Variants in RSPO2 observed in about 807,000 individuals in gnomAD.
RSPO2 encodes R-spondin 2, also known as R-spondin-2.
Under a neutral mutation model 30.9 loss-of-function variants are expected in RSPO2, and 14 were observed. The ratio of observed to expected loss-of-function variants is 0.45; its 90% CI spans 0.30 to 0.71. The LOEUF (loss-of-function observed/expected upper bound fraction) is 0.71, where lower values mean the gene tolerates loss of function less well. Among genes scored for constraint, RSPO2 ranks in the 30% least tolerant of loss-of-function variants. The pLI is 0.08. For synonymous variants in RSPO2, 107 were observed against 96.4 expected (o/e 1.11, Z -0.64); for missense variants, 264 against 301.9 (o/e 0.87, Z 0.93).
chr8:107,901,344 C>G (rs1345861032), intron 5 of RSPO2, among the ~76,000 whole-genome samples, 154 bp from the exon 6 acceptor site: 1 of 151,360 alleles, frequency 6.6e-6, no homozygotes, highest in Admixed American at 6.6e-5. Context: ...TTAATTTTGA[C>G]AGAATAATAA....
At chr8:107,971,160 G>A (rs904011178) in intron 3 of RSPO2, among the ~76,000 whole-genome samples, 7 of 152,150 alleles carry the variant, frequency 4.6e-5, no homozygotes, top group Non-Finnish European at 8.8e-5. Context: ...TATAATAATA[G>A]AACGATGTTG....
intron 2 of RSPO2, among the ~76,000 whole-genome samples, chr8:108,019,314 A>T (rs1483175476): frequency 6.6e-6 from 1 of 152,060 alleles, no homozygotes; most frequent in African/African-American, 2.4e-5. Flanking sequence ...AGATTACACC[A>T]CTGTACTCCA....
At chr8:108,031,602 G>GTA (rs1811424782) in intron 2 of RSPO2, among the ~76,000 whole-genome samples, 12 of 152,278 alleles carry the variant, frequency 7.9e-5, no homozygotes, top group Middle Eastern at 6.8e-3. Flanking sequence ...GTAAAAGGCC[G>GTA]TAACTTCATA....
At chr8:107,920,684 C>G (rs540661794) in intron 5 of RSPO2, among the ~76,000 whole-genome samples, 1 of 152,196 alleles carries the variant, frequency 6.6e-6, no homozygotes. Context: ...GCCAGAAAGA[C>G]TTTATTTTAG....
chr8:108,074,994 T>C (rs1481024030), intron 2 of RSPO2, among the ~76,000 whole-genome samples: 1 of 152,128 alleles, frequency 6.6e-6, no homozygotes, highest in African/African-American at 2.4e-5. Flanking sequence ...TAGCTACATT[T>C]ATTATACTAA....
intron 5 of RSPO2, among the ~76,000 whole-genome samples, chr8:107,928,014 C>T (rs1812439986): frequency 6.6e-6 from 1 of 152,096 alleles, no homozygotes; most frequent in South Asian, 2.1e-4. Context: ...AAAAAAATCA[C>T]TGTGCAGGTA....
chr8:108,007,340 T>TCAC (rs1815484573), intron 2 of RSPO2, among the ~76,000 whole-genome samples: 1 of 152,030 alleles, frequency 6.6e-6, no homozygotes, highest in South Asian at 2.1e-4. Flanking sequence ...ACAGAGATCA[T>TCAC]CACCATCCAA....
At chr8:107,937,028 T>A (rs1812741363) in intron 5 of RSPO2, among the ~76,000 whole-genome samples, 4 of 152,170 alleles carry the variant, frequency 2.6e-5, no homozygotes, top group Admixed American at 2.6e-4. Context: ...TATAGTTGTC[T>A]GTACTTTCAA....
At chr8:108,000,863 G>A (rs1182876619) in intron 2 of RSPO2, among the ~76,000 whole-genome samples, 3 of 152,026 alleles carry the variant, frequency 2.0e-5, no homozygotes, top group African/African-American at 4.8e-5. Flanking sequence ...TTAACCAGGT[G>A]TGGTGGTGGG....
intron 2 of RSPO2, among the ~76,000 whole-genome samples, chr8:107,992,008 A>G (rs1441263823): frequency 6.6e-6 from 1 of 152,218 alleles, no homozygotes; most frequent in African/African-American, 2.4e-5. Flanking sequence ...TGGAAAAACC[A>G]TTCAACCCAG....
intron 5 of RSPO2, among the ~76,000 whole-genome samples, chr8:107,917,943 T>C (rs911992694): frequency 1.2e-4 from 19 of 152,280 alleles, no homozygotes; most frequent in Admixed American, 1.0e-3. Flanking sequence ...TGGTTTAGAA[T>C]CAGCTATAGG....
At chr8:107,954,431 C>T (rs1813348762) in intron 5 of RSPO2, among the ~76,000 whole-genome samples, 4 of 152,092 alleles carry the variant, frequency 2.6e-5, no homozygotes, top group African/African-American at 7.2e-5. Flanking sequence ...TTGGTCCCAA[C>T]ATGATTTTCT....
intron 5 of RSPO2, among the ~76,000 whole-genome samples, chr8:107,946,144 C>T (rs1005760674): frequency 2.6e-5 from 4 of 152,206 alleles, no homozygotes; most frequent in Non-Finnish European, 5.9e-5. Context: ...TGATCCTTCA[C>T]TCTGTGCTAG....
At chr8:108,018,529 T>G (rs1810964055) in intron 2 of RSPO2, among the ~76,000 whole-genome samples, 1 of 152,220 alleles carries the variant, frequency 6.6e-6, no homozygotes, top group Non-Finnish European at 1.5e-5. Flanking sequence ...GTTTAAGCTA[T>G]TCCAGCATTG....
chr8:107,983,592 A>T, intron 3 of RSPO2: 1 of 1,597,856 alleles, frequency 6.3e-7, no homozygotes, highest in East Asian at 2.2e-5. Flanking sequence ...TTGGAAGTAA[A>T]GCCCCAAAAG....
intron 2 of RSPO2, among the ~76,000 whole-genome samples, chr8:108,060,984 TGA>T (rs1812440737): frequency 2.0e-5 from 3 of 151,782 alleles, no homozygotes; most frequent in African/African-American, 7.3e-5. Context: ...AAGCAAATGC[TGA>T]GAGATTCTGT....
chr8:108,016,990 A>C (rs1387238758), intron 2 of RSPO2, among the ~76,000 whole-genome samples: 2 of 151,582 alleles, frequency 1.3e-5, no homozygotes, highest in Non-Finnish European at 2.9e-5. Context: ...TAAATTACCC[A>C]GTCTCAGATA....
intron 5 of RSPO2, among the ~76,000 whole-genome samples, chr8:107,938,298 C>A (rs1452353504): frequency 6.6e-6 from 1 of 152,078 alleles, no homozygotes; most frequent in Non-Finnish European, 1.5e-5. Flanking sequence ...AACTATCCAC[C>A]TTTTCCCAGG....
At chr8:108,068,742 G>A (rs1009793722) in intron 2 of RSPO2, among the ~76,000 whole-genome samples, 1 of 152,164 alleles carries the variant, frequency 6.6e-6, no homozygotes, top group African/African-American at 2.4e-5. Context: ...GAACATAGAA[G>A]CAGAGATTGG....
Sources: gnomAD v4.1 joint callset for allele counts (sites outside exome capture counted in the v4.1 genomes callset) on GRCh38, gnomAD v4.1.1 for gene constraint, MANE v1.5 for transcripts, NCBI Gene and HGNC (gene_info 2026-07-23, HGNC 2026-07-21) for gene names.